LGR4: variants seen among roughly 807,000 people sequenced by gnomAD.
The protein encoded by LGR4 is leucine rich repeat containing G protein-coupled receptor 4.
Under a neutral mutation model 84.8 loss-of-function variants are expected in LGR4, and 44 were observed. The ratio of observed to expected loss-of-function variants is 0.52; its 90% CI spans 0.41 to 0.67. The LOEUF (loss-of-function observed/expected upper bound fraction) is 0.67. Ranked by LOEUF, LGR4 falls within the 30% of genes least tolerant of loss-of-function variation. The pLI, the probability that LGR4 is intolerant of heterozygous loss-of-function variation, is 0.00. For synonymous variants in LGR4, 429 were observed against 434.3 expected (o/e 0.99, Z 0.15); for missense variants, 1,032 against 1,131.4 (o/e 0.91, Z 1.26).
chr11:27,461,328 T>C (rs1193109524), intron 1 of LGR4, among the ~76,000 whole-genome samples: 3 of 149,040 alleles, frequency 2.0e-5, no homozygotes, highest in Non-Finnish European at 4.5e-5. Context: ...CAAAATGAGA[T>C]CCTATCTCCA....
intron 1 of LGR4, among the ~76,000 whole-genome samples, chr11:27,461,242 C>A (rs1018011718): frequency 6.6e-6 from 1 of 151,814 alleles, no homozygotes; most frequent in African/African-American, 2.4e-5. Flanking sequence ...GTGGCTCACA[C>A]CTGTAATCCC....
rs1863062700 is a variant in LGR4 at position 27,380,150 on chromosome 11, T to C, written c.971+121A>G. 8.2e-6 allele frequency: 5 copies of C among 612,604 alleles called. No homozygotes were observed. In the Admixed American group the frequency reaches 1.1e-4, roughly 13 times the overall value. 37.9% of individuals were successfully genotyped at this position (612,604 alleles called of 1,614,324 possible). A position where few individuals can be genotyped will look rare whatever the true frequency, so the allele number is the denominator to read the frequency against. ...TATATTCTTCTCCATGCATGATATA[T>C]ACAAAGGGAAACCGGAGGAATCAAC... On this transcript the variant is annotated intron_variant, in intron 10 of 17. Coordinates refer to ENST00000379214, the MANE Select transcript of LGR4 (RefSeq NM_018490.5).
chr11:27,462,879 A>G (rs949042469), intron 1 of LGR4, among the ~76,000 whole-genome samples: 2 of 151,920 alleles, frequency 1.3e-5, no homozygotes, highest in Non-Finnish European at 2.9e-5. Context: ...TAAAAAAAAG[A>G]AAAAGAAAGG....
At chr11:27,463,833 T>C (rs1201278211) in intron 1 of LGR4, among the ~76,000 whole-genome samples, 3 of 152,164 alleles carry the variant, frequency 2.0e-5, no homozygotes, top group Admixed American at 2.0e-4. Context: ...ATATTTGAAA[T>C]GTATTAAATT....
At chr11:27,404,995 T>C (rs1260471674) in intron 2 of LGR4, among the ~76,000 whole-genome samples, 3 of 152,178 alleles carry the variant, frequency 2.0e-5, no homozygotes, top group African/African-American at 7.2e-5. Context: ...TCCTCTATTA[T>C]GCCTCAGCTG....
At chr11:27,395,876 T>C (rs1863382109) in intron 2 of LGR4, among the ~76,000 whole-genome samples, 1 of 152,172 alleles carries the variant, frequency 6.6e-6, no homozygotes, top group Non-Finnish European at 1.5e-5. Context: ...GTATTTCTTA[T>C]AGTAAACCTT....
chr11:27,430,700 T>C (rs1197647188), intron 1 of LGR4, among the ~76,000 whole-genome samples: 1 of 152,176 alleles, frequency 6.6e-6, no homozygotes, highest in Non-Finnish European at 1.5e-5. Context: ...AGTAGCCTTC[T>C]GTTTGGTCTC....
At position 27,412,970 on chromosome 11, in the gene LGR4, G is replaced by A; in HGVS notation, c.186-110C>T. The A allele has an allele frequency of 4.1e-6, 3 of 736,420 alleles. No homozygotes were observed. The East Asian group carries it at 7.7e-5, about 19-fold the overall frequency. 45.6% of individuals were successfully genotyped at this position (736,420 alleles called of 1,614,324 possible). Reference sequence around the variant, plus strand: ...TACAATTTTGTGAAAGAGCATAGAAGACACATAGAAACAGTCACAATTTGG... The same window carrying A: ...TACAATTTTGTGAAAGAGCATAGAAAACACATAGAAACAGTCACAATTTGG... On this transcript the variant is annotated intron_variant, in intron 1 of 17. Transcript: ENST00000379214.
At chr11:27,468,962 C>G (rs1864825828) in intron 1 of LGR4, among the ~76,000 whole-genome samples, 1 of 152,186 alleles carries the variant, frequency 6.6e-6, no homozygotes. Flanking sequence ...TTCATCTCTT[C>G]TCCCAATCTT....
rs544818906 is a variant in LGR4, at chr11:27,464,589, C to A, written c.185+7529G>T. The stretch of plus-strand genomic sequence containing the variant: ...TTTACACTAAGAGCTACATAAGGAA[C>A]CTCAAAGCCTGAGGGGAGTGGAGAA... On this transcript the variant is annotated intron_variant, in intron 1 of 17. Coordinates refer to ENST00000379214, the MANE Select transcript of LGR4 (RefSeq NM_018490.5). Among the ~76,000 whole-genome samples, 7 of 152,248 alleles carry A rather than the reference C, an allele frequency of 4.6e-5. No homozygotes were observed. In the East Asian group the frequency reaches 1.4e-3, roughly 29 times the overall value.
At chr11:27,421,336 G>C (rs546309800) in intron 1 of LGR4, among the ~76,000 whole-genome samples, 1 of 152,250 alleles carries the variant, frequency 6.6e-6, no homozygotes, top group South Asian at 2.1e-4. Flanking sequence ...GTATGTGTAG[G>C]CCCATTTGCT....
intron 1 of LGR4, among the ~76,000 whole-genome samples, chr11:27,418,893 G>A (rs1348963454): frequency 2.0e-5 from 3 of 147,414 alleles, no homozygotes; most frequent in Non-Finnish European, 4.5e-5. Context: ...AGAATGCAGT[G>A]GCACAATCAT....
At position 27,412,819 on chromosome 11, in the gene LGR4, G is replaced by A; in HGVS notation, c.227C>T (p.Ala76Val). The change falls in exon 2 of 18, where the codon GCA (alanine) becomes GTA (valine). Residue 76 changes from alanine to valine, a missense_variant. Ala to Val is a moderately conservative substitution (Grantham distance 64). Transcript: ENST00000379214. ...MNNITQLPED[A>V]FKNFPFLEEL... ...TTCTAGAAAAGGAAAGTTCTTAAAT[G>A]CATCTTCTGGCAACTGAGTAATGTT... 1.2e-6 allele frequency: 2 copies of A among 1,601,724 alleles called. No individual in the cohort carries two copies. Among genetic ancestry groups the A allele is most frequent in the Non-Finnish European group, 8.6e-7 (1 of 1,169,324 alleles).
intron 1 of LGR4, among the ~76,000 whole-genome samples, chr11:27,418,354 A>G (rs376271742): frequency 6.6e-6 from 1 of 152,334 alleles, no homozygotes; most frequent in East Asian, 1.9e-4. Context: ...TGCTCCAAAG[A>G]TATTTTTTTG....
intron 5 of LGR4, 32 bp from the exon 6 acceptor site, chr11:27,384,439 TC>T: frequency 6.9e-7 from 1 of 1,445,334 alleles, no homozygotes; most frequent in Non-Finnish European, 9.7e-7. Context: ...AAATGACTTT[TC>T]CATCTCCCAT....
intron 1 of LGR4, among the ~76,000 whole-genome samples, chr11:27,459,920 A>ACTATGTTTAGTAGTAT (rs1463148873): frequency 6.6e-6 from 1 of 151,992 alleles, no homozygotes; most frequent in Non-Finnish European, 1.5e-5. Context: ...GTGAAACCCC[A>ACTATGTTTAGTAGTAT]TCTCTACTAA....
At chr11:27,376,399 C>T (rs560312883) in intron 12 of LGR4, 29 bp from the exon 13 acceptor site, 8 of 1,202,388 alleles carry the variant, frequency 6.7e-6, no homozygotes, top group African/African-American at 3.1e-5. Flanking sequence ...AGAAAGAAGA[C>T]GAAGACAAAG....
intron 1 of LGR4, among the ~76,000 whole-genome samples, chr11:27,416,613 A>G (rs576649901): frequency 6.6e-6 from 1 of 152,292 alleles, no homozygotes; most frequent in East Asian, 1.9e-4. Context: ...TAAAACTTGG[A>G]GCAGTTGTTC....
chr11:27,389,189 T>C (rs947142540), intron 4 of LGR4, among the ~76,000 whole-genome samples: 7 of 152,140 alleles, frequency 4.6e-5, no homozygotes, highest in African/African-American at 1.7e-4. Context: ...TTTAACTCTA[T>C]CTAACTTCAC....
Sources: allele counts gnomAD v4.1 joint callset (sites outside exome capture counted in the v4.1 genomes callset), GRCh38; gene constraint gnomAD v4.1.1; transcripts MANE v1.5; gene names NCBI Gene and HGNC (gene_info 2026-07-23, HGNC 2026-07-21).